BCL11B: variants seen among roughly 807,000 people sequenced by gnomAD.
The protein encoded by BCL11B is BCL11 transcription factor B, also known as B-cell lymphoma/leukemia 11B.
Under a neutral mutation model 49.9 loss-of-function variants are expected in BCL11B, and 8 were observed. The observed-to-expected ratio is 0.16, with a 90% CI of 0.09 to 0.29. BCL11B has a LOEUF of 0.29. BCL11B is among the 10% of genes least tolerant of loss of function. The pLI is 1.00. For missense variants in BCL11B, 1,006 were observed against 1,351.0 expected (o/e 0.74, Z 4.00); for synonymous variants, 739 against 637.4 (o/e 1.16, Z -2.40).
chr14:99,267,566 A>C (rs1367344172), intron 1 of BCL11B, among the ~76,000 whole-genome samples: 4 of 130,932 alleles, frequency 3.1e-5, no homozygotes, highest in East Asian at 4.0e-4. Flanking sequence ...CCAACTAACC[A>C]AAAAAAAAAA....
intron 3 of BCL11B, among the ~76,000 whole-genome samples, chr14:99,224,357 G>A (rs1888099682): frequency 1.3e-5 from 2 of 152,312 alleles, no homozygotes; most frequent in African/African-American, 4.8e-5. Flanking sequence ...AAGCAAAAGG[G>A]TGGGGGAGTG....
At chr14:99,209,739 G>A (rs563746411) in intron 3 of BCL11B, among the ~76,000 whole-genome samples, 9 of 152,188 alleles carry the variant, frequency 5.9e-5, no homozygotes, top group South Asian at 2.1e-4. Flanking sequence ...GGAGTGGACC[G>A]GCCAGGCCAG....
At chr14:99,266,868 T>G (rs750656606) in intron 1 of BCL11B, among the ~76,000 whole-genome samples, 9 of 152,092 alleles carry the variant, frequency 5.9e-5, no homozygotes, top group Non-Finnish European at 7.4e-5. Flanking sequence ...GCAATCGAGA[T>G]AGGAGATGAA....
chr14:99,254,284 A>G (rs372519131), intron 2 of BCL11B, among the ~76,000 whole-genome samples: 25 of 152,172 alleles, frequency 1.6e-4, no homozygotes, highest in African/African-American at 5.5e-4. Flanking sequence ...AAATAACAGT[A>G]ATTACTCTCC....
intron 3 of BCL11B, among the ~76,000 whole-genome samples, chr14:99,191,953 G>A (rs1887043320): frequency 6.6e-6 from 1 of 152,190 alleles, no homozygotes; most frequent in Non-Finnish European, 1.5e-5. Context: ...GTGACGGGGG[G>A]AGGAGGATGA....
Position 99,213,704 on chromosome 14 carries a change from C to A in BCL11B, c.640+17641G>T, listed in dbSNP as rs145409291. Among the ~76,000 whole-genome samples, 55 of 152,308 alleles carry A rather than the reference C, an allele frequency of 3.6e-4. 1 individual carries two copies. Among genetic ancestry groups the A allele is most frequent in the African/African-American group, 1.2e-3 (51 of 41,588 alleles). ...TCTAAGGGGAAGGCATAGAGTCCAG[C>A]GTCAGCCACACGTGTCCTAGCTCAG... On this transcript the variant is annotated intron_variant, in intron 3 of 3. Coordinates refer to ENST00000357195, the MANE Select transcript of BCL11B (RefSeq NM_138576.4). The surrounding 1 kb of genome is among the most constrained non-coding windows in gnomAD (Gnocchi z 5.1).
At chr14:99,219,108 C>T (rs1179838309) in intron 3 of BCL11B, among the ~76,000 whole-genome samples, 1 of 151,424 alleles carries the variant, frequency 6.6e-6, no homozygotes, top group Non-Finnish European at 1.5e-5. Flanking sequence ...GTGGCACGAT[C>T]TCGGCTCATG....
At chr14:99,221,554 C>A (rs1410395124) in intron 3 of BCL11B, among the ~76,000 whole-genome samples, 1 of 152,252 alleles carries the variant, frequency 6.6e-6, no homozygotes, top group African/African-American at 2.4e-5. Context: ...TTCCTACTCA[C>A]ACCTGCCAGG....
In BCL11B at chr14:99,173,577, T is replaced by TA. The variant is rs34800317; in HGVS notation, c.*573dup. 0.35 allele frequency: 61,708 copies of TA among 177,754 alleles called. 9,692 individuals are homozygous for TA. The highest frequency in any genetic ancestry group is 0.38 in the Non-Finnish European group (33,438 of 87,034). The allele number at this position is 177,754 out of a possible 1,614,324, so 11.0% of individuals were successfully genotyped here. ...ACCAAAAAAAAAATTAAAAAATAAT[T>TA]AAAAAAAAAACTGCATGCCACTTTT... On this transcript the variant is annotated 3_prime_UTR_variant, in exon 4 of 4. Coordinates refer to ENST00000357195, the MANE Select transcript of BCL11B (RefSeq NM_138576.4).
At chr14:99,177,811 G>A (rs1886584361) in intron 3 of BCL11B, among the ~76,000 whole-genome samples, 1 of 152,054 alleles carries the variant, frequency 6.6e-6, no homozygotes. Context: ...CAGGCCTTCT[G>A]AAATCCTAGG....
rs1308386863 is a variant in BCL11B at position 99,262,794 on chromosome 14, A to G, written c.59-4955T>C. ...ACACGCACACTCGACGGAGCACAAC[A>G]CTTTCTGAGCTGCCATCCATTTTTA... On this transcript the variant is annotated intron_variant, in intron 1 of 3. Coordinates refer to ENST00000357195, the MANE Select transcript of BCL11B (RefSeq NM_138576.4). The surrounding 1 kb of genome is among the most constrained non-coding windows in gnomAD (Gnocchi z 4.2). Among the ~76,000 whole-genome samples, 1 of 151,810 alleles carries G rather than the reference A, an allele frequency of 6.6e-6. No homozygotes were observed. The highest frequency in any genetic ancestry group is 1.5e-5 in the Non-Finnish European group (1 of 67,976).
intron 1 of BCL11B, among the ~76,000 whole-genome samples, chr14:99,266,965 G>A (rs888578339): frequency 2.0e-5 from 3 of 152,150 alleles, no homozygotes; most frequent in African/African-American, 7.2e-5. Context: ...GCTAGAAACT[G>A]GTATCTGTAA....
intron 3 of BCL11B, among the ~76,000 whole-genome samples, chr14:99,199,718 GTGCA>G (rs1310040201): frequency 1.1e-4 from 15 of 134,150 alleles, no homozygotes; most frequent in African/African-American, 3.8e-4. Context: ...GTGTGCGTGT[GTGCA>G]TGCATATGTG....
In BCL11B at chr14:99,199,936, CAG is replaced by C. The variant is rs567113763; in HGVS notation, c.641-23743_641-23742del. 5.0e-4 allele frequency among the ~76,000 whole-genome samples: 76 copies of C among 151,848 alleles called. 1 individual carries two copies. In the South Asian group the frequency reaches 0.015, roughly 30 times the overall value. The stretch of plus-strand genomic sequence containing the variant: ...TAATTATCCAACATCCCTTATAAGA[CAG>C]AGTGTCTTAATAATACAGCGTGCCT... On this transcript the variant is annotated intron_variant, in intron 3 of 3. Coordinates refer to ENST00000357195, the MANE Select transcript of BCL11B (RefSeq NM_138576.4).
chr14:99,217,527 T>C (rs1887888602), intron 3 of BCL11B, among the ~76,000 whole-genome samples: 1 of 152,162 alleles, frequency 6.6e-6, no homozygotes, highest in Non-Finnish European at 1.5e-5. Flanking sequence ...GAAAAAGCCG[T>C]GGAATGTTTT....
chr14:99,265,346 G>A (rs1027793300), intron 1 of BCL11B, among the ~76,000 whole-genome samples: 3 of 152,122 alleles, frequency 2.0e-5, no homozygotes, highest in Non-Finnish European at 4.4e-5. Context: ...TTAACCTCGA[G>A]GCCAAAGTCT....
At chr14:99,268,978 C>T (rs1447711701) in intron 1 of BCL11B, among the ~76,000 whole-genome samples, 1 of 151,960 alleles carries the variant, frequency 6.6e-6, no homozygotes, top group Non-Finnish European at 1.5e-5. Flanking sequence ...CCCCCATGCC[C>T]AGCTGCCACC....
intron 1 of BCL11B, 93 bp downstream of exon 1, chr14:99,271,067 TG>T: frequency 7.5e-7 from 1 of 1,335,684 alleles, no homozygotes; most frequent in Non-Finnish European, 9.8e-7. Context: ...CCCCGGCGCC[TG>T]GCCAGGCTCG....
intron 2 of BCL11B, among the ~76,000 whole-genome samples, chr14:99,237,631 C>T (rs10129264): frequency 0.32 from 48,149 of 152,014 alleles, 8,769 homozygotes; most frequent in Non-Finnish European, 0.43. Flanking sequence ...CGGGTTTTGG[C>T]TTGGGGGTGA....
Sources: allele counts gnomAD v4.1 joint callset (sites outside exome capture counted in the v4.1 genomes callset), GRCh38; gene constraint gnomAD v4.1.1; non-coding constraint Gnocchi (gnomAD v3.1); transcripts MANE v1.5; gene names NCBI Gene and HGNC (gene_info 2026-07-23, HGNC 2026-07-21).